CYTH3: variants seen among roughly 807,000 people sequenced by gnomAD.
CYTH3 encodes the protein cytohesin-3.
CYTH3 carries 23 observed loss-of-function variants against 55.1 expected under a neutral mutation model. The observed-to-expected ratio is 0.42, with a 90% CI of 0.30 to 0.59. The LOEUF (loss-of-function observed/expected upper bound fraction) is 0.59, where lower values mean the gene tolerates loss of function less well. CYTH3 is among the 20% of genes least tolerant of loss of function. CYTH3 has a pLI of 0.20. For synonymous variants in CYTH3, 249 were observed against 194.9 expected, an observed-to-expected ratio of 1.28 and a Z score of -2.31; for missense variants, 413 against 524.8, an observed-to-expected ratio of 0.79 and a Z score of 2.08.
chr7:6,164,631 G>T lies in CYTH3; in HGVS notation c.*313C>A. 2.5e-6 allele frequency: 1 copy of T among 408,002 alleles called. No homozygotes were observed. The highest frequency in any genetic ancestry group is 4.5e-6 in the Non-Finnish European group (1 of 222,496). 25.3% of individuals were successfully genotyped at this position (408,002 alleles called of 1,614,324 possible). A position where few individuals can be genotyped will look rare whatever the true frequency, so the allele number is the denominator to read the frequency against. On this transcript the variant is annotated 3_prime_UTR_variant, in exon 13 of 13. Transcript: ENST00000350796. ...CTGGCTTCTCCCCCTAGGGGCGCCG[G>T]GATGGTCGCAGGAAGGAAATGCTTC...
intron 4 of CYTH3, among the ~76,000 whole-genome samples, chr7:6,183,689 G>C (rs867630079): frequency 5.9e-5 from 9 of 152,174 alleles, no homozygotes; most frequent in Middle Eastern, 3.2e-3. Flanking sequence ...AGTTGTGTCT[G>C]AAGCATGTGA....
chr7:6,198,376 G>A (rs891688268), intron 1 of CYTH3, among the ~76,000 whole-genome samples: 4 of 152,226 alleles, frequency 2.6e-5, no homozygotes, highest in African/African-American at 4.8e-5. Flanking sequence ...GCTGTTTAGT[G>A]ACGTTCTATC....
rs1246065252 is a variant in CYTH3 at position 6,272,531 on chromosome 7, C to A, written c.-24G>T. On this transcript the variant is annotated 5_prime_UTR_variant, in exon 1 of 13. Coordinates refer to ENST00000350796, the MANE Select transcript of CYTH3 (RefSeq NM_004227.4). The stretch of plus-strand genomic sequence containing the variant: ...ATCTTGAGGCCACTCCCGCAGCCGG[C>A]GAGCCGGGGGCCGGCAGCAGAGGGG... 7 of 1,301,040 alleles carry A rather than the reference C, an allele frequency of 5.4e-6. No homozygotes were observed. The Admixed American group carries it at 1.4e-4, about 26-fold the overall frequency. 80.6% of individuals were successfully genotyped at this position (1,301,040 alleles called of 1,614,324 possible). A position where few individuals can be genotyped will look rare whatever the true frequency, so the allele number is the denominator to read the frequency against.
intron 1 of CYTH3, among the ~76,000 whole-genome samples, chr7:6,243,224 T>G (rs1270740872): frequency 6.6e-6 from 1 of 152,216 alleles, no homozygotes; most frequent in Non-Finnish European, 1.5e-5. Flanking sequence ...GAGCGCAAAC[T>G]GCCCTTGGTA....
At chr7:6,180,664 T>C (rs1783483048) in intron 4 of CYTH3, among the ~76,000 whole-genome samples, 1 of 152,234 alleles carries the variant, frequency 6.6e-6, no homozygotes. Context: ...CCTAGAATAC[T>C]AATACACTAG....
At chr7:6,257,699 G>T (rs957097209) in intron 1 of CYTH3, among the ~76,000 whole-genome samples, 1 of 152,188 alleles carries the variant, frequency 6.6e-6, no homozygotes, top group Admixed American at 6.5e-5. Context: ...CTATGGCGAG[G>T]AGATCCTTAC....
intron 1 of CYTH3, among the ~76,000 whole-genome samples, chr7:6,261,811 C>A (rs1780361242): frequency 6.7e-6 from 1 of 148,856 alleles, no homozygotes; most frequent in South Asian, 2.2e-4. Context: ...TTTTCACATA[C>A]ATTGTCCAGA....
At position 6,167,721 on chromosome 7, in the gene CYTH3, G is replaced by A. The variant is rs1319752884; in HGVS notation, c.824-1911C>T. Among the ~76,000 whole-genome samples the A allele has an allele frequency of 6.6e-6, 1 of 152,218 alleles. No homozygotes were observed. Among genetic ancestry groups the A allele is most frequent in the Admixed American group, 6.5e-5 (1 of 15,284 alleles). On this transcript the variant is annotated intron_variant, in intron 9 of 12. Transcript: ENST00000350796. The surrounding 1 kb of genome is among the most constrained non-coding windows in gnomAD (Gnocchi z 5.5). ...CTGTTATCTGAGTCTCCAGTTCTTG[G>A]GGAGCTCATCCAGGAGCCCCCAGGT... is the stretch of plus-strand genomic sequence containing the variant.
chr7:6,252,560 T>C (rs1779999823), intron 1 of CYTH3, among the ~76,000 whole-genome samples: 1 of 152,170 alleles, frequency 6.6e-6, no homozygotes, highest in African/African-American at 2.4e-5. Flanking sequence ...CCCTGCCCTT[T>C]CCTTTATTGG....
At chr7:6,261,233 T>C (rs986849415) in intron 1 of CYTH3, among the ~76,000 whole-genome samples, 1 of 151,862 alleles carries the variant, frequency 6.6e-6, no homozygotes, top group African/African-American at 2.4e-5. Context: ...CAGAAACAAG[T>C]GACTGAGAAT....
intron 1 of CYTH3, among the ~76,000 whole-genome samples, chr7:6,254,200 C>G (rs1409217314): frequency 1.3e-5 from 2 of 151,386 alleles, no homozygotes; most frequent in Non-Finnish European, 2.9e-5. Flanking sequence ...AAACAAACAA[C>G]AACAAAAATA....
intron 1 of CYTH3, among the ~76,000 whole-genome samples, chr7:6,240,087 C>T (rs1257230503): frequency 3.9e-5 from 6 of 152,036 alleles, no homozygotes; most frequent in South Asian, 2.1e-4. Context: ...AGGTGGATCG[C>T]GTGAGGTCAG....
chr7:6,249,029 T>A (rs1779894552), intron 1 of CYTH3, among the ~76,000 whole-genome samples: 1 of 152,202 alleles, frequency 6.6e-6, no homozygotes, highest in African/African-American at 2.4e-5. Context: ...TTATTTTAAA[T>A]TTTCTCTTTC....
intron 1 of CYTH3, among the ~76,000 whole-genome samples, chr7:6,193,136 C>T (rs1783843667): frequency 6.6e-6 from 1 of 152,262 alleles, no homozygotes; most frequent in Non-Finnish European, 1.5e-5. Flanking sequence ...CCCACCACTG[C>T]ACTCTAGCCT....
chr7:6,171,832 C>T lies in CYTH3; in HGVS notation c.450-518G>A, dbSNP rs528837700. On this transcript the variant is annotated intron_variant, in intron 6 of 12. Transcript: ENST00000350796. The surrounding 1 kb of genome is among the most constrained non-coding windows in gnomAD (Gnocchi z 6.7). ...TGCCTGCCTCAGAGACCAGGCCCAG[C>T]AGACACTCCCACCCTCAGGCATCCC... 6.3e-6 allele frequency: 1 copy of T among 158,438 alleles called. No homozygotes were observed. Among genetic ancestry groups the T allele is most frequent in the Non-Finnish European group, 1.4e-5 (1 of 71,326 alleles). The allele number at this position is 158,438 out of a possible 1,614,324, so 9.8% of individuals were successfully genotyped here.
intron 4 of CYTH3, among the ~76,000 whole-genome samples, chr7:6,179,885 A>T (rs1783459724): frequency 8.4e-6 from 1 of 118,854 alleles, no homozygotes; most frequent in South Asian, 2.7e-4. Flanking sequence ...CACCACACAC[A>T]CCACACACAC....
intron 1 of CYTH3, among the ~76,000 whole-genome samples, chr7:6,206,411 A>G (rs2128548094): frequency 6.6e-6 from 1 of 152,324 alleles, no homozygotes; most frequent in Non-Finnish European, 1.5e-5. Context: ...AACAGACAAA[A>G]CTAATTTGTG....
At chr7:6,190,362 ACATTTTTGTGAGGCTACTCTTTTAC>A in intron 2 of CYTH3, 62 bp downstream of exon 2, 3 of 753,102 alleles carry the variant, frequency 4.0e-6, no homozygotes, top group Non-Finnish European at 5.2e-6. Context: ...TTTTTTTTTT[ACATTTTTGTGAGGCTACTCTTTTAC>A]TATTTTACTC....
chr7:6,243,705 G>A (rs921254706), intron 1 of CYTH3, among the ~76,000 whole-genome samples: 1 of 152,250 alleles, frequency 6.6e-6, no homozygotes, highest in African/African-American at 2.4e-5. Flanking sequence ...TATTCCTTCC[G>A]GCCCTATATC....
Sources: gnomAD v4.1 joint callset for allele counts (sites outside exome capture counted in the v4.1 genomes callset) on GRCh38, gnomAD v4.1.1 for gene constraint, Gnocchi (gnomAD v3.1) non-coding constraint, MANE v1.5 for transcripts, NCBI Gene and HGNC (gene_info 2026-07-23, HGNC 2026-07-21) for gene names.